The following ULK4 variants were observed in gnomAD, a reference collection of about 807,000 sequenced individuals.
ULK4 encodes unc-51 like kinase 4.
In ULK4, 133 loss-of-function variants were observed where a neutral mutation model predicts 160.6. That is an observed-to-expected ratio of 0.83 (90% CI 0.72 to 0.96). The LOEUF is 0.96. Among genes scored for constraint, ULK4 ranks in the 40% least tolerant of loss-of-function variants. The probability of loss-of-function intolerance (pLI) is 0.00; values close to 1 mark genes in which losing one functional copy is unlikely to be tolerated. For synonymous variants in ULK4, 534 were observed against 539.8 expected (o/e 0.99, Z 0.15); for missense variants, 1,580 against 1,499.5 (o/e 1.05, Z -0.89).
At chr3:41,317,941 C>T (rs1472681979) in intron 35 of ULK4, among the ~76,000 whole-genome samples, 3 of 152,164 alleles carry the variant, frequency 2.0e-5, no homozygotes, top group African/African-American at 7.2e-5. Flanking sequence ...CCTGTTAACT[C>T]ACAAATGCTG....
intron 3 of ULK4, among the ~76,000 whole-genome samples, chr3:41,937,645 T>C (rs944020004): frequency 2.0e-5 from 3 of 152,192 alleles, no homozygotes; most frequent in Admixed American, 2.0e-4. Flanking sequence ...CCTAGAAAGC[T>C]ATATGAAGCA....
intron 27 of ULK4, among the ~76,000 whole-genome samples, chr3:41,687,578 A>G (rs1435157639): frequency 6.6e-6 from 1 of 152,134 alleles, no homozygotes; most frequent in African/African-American, 2.4e-5. Context: ...TCAGTGTCCA[A>G]TGTCAAGAAA....
Position 41,335,353 on chromosome 3 carries a change from C to G in ULK4, c.3678+62726G>C, listed in dbSNP as rs577976586. ...TTTAAAGACTGATGACAGAAATCAG[C>G]AGCAGCTTAGAATCCCTATTTTCAT... is the stretch of plus-strand genomic sequence containing the variant. On this transcript the variant is annotated intron_variant, in intron 35 of 36. Coordinates refer to ENST00000301831, the MANE Select transcript of ULK4 (RefSeq NM_017886.4). Among the ~76,000 whole-genome samples, 6 of 152,266 alleles carry G rather than the reference C, an allele frequency of 3.9e-5. No individual in the cohort carries two copies. The South Asian group carries it at 1.2e-3, about 32-fold the overall frequency.
chr3:41,484,597 C>T (rs888077237), intron 32 of ULK4, among the ~76,000 whole-genome samples: 31 of 152,108 alleles, frequency 2.0e-4, no homozygotes, highest in Non-Finnish European at 3.2e-4. Flanking sequence ...GGACTACAGG[C>T]GCCCGCCACC....
chr3:41,333,097 T>C (rs1341241615), intron 35 of ULK4, among the ~76,000 whole-genome samples: 3 of 152,244 alleles, frequency 2.0e-5, no homozygotes, highest in African/African-American at 4.8e-5. Context: ...GAATCTTTCT[T>C]GAAGGTTCCA....
rs771224022 is a variant in ULK4 at position 41,681,706 on chromosome 3, A to G, written c.2833+47T>C. 3.7e-6 allele frequency: 6 copies of G among 1,613,956 alleles called. No individual in the cohort carries two copies. In the East Asian group the frequency reaches 1.3e-4, roughly 36 times the overall value. Reference sequence around the variant, plus strand: ...GTGACTCCATGGAGACAGAATGAAAATAGAATGTGTAACTGATGCAATTCT... The same window carrying G: ...GTGACTCCATGGAGACAGAATGAAAGTAGAATGTGTAACTGATGCAATTCT... On this transcript the variant is annotated intron_variant, in intron 28 of 36. Coordinates refer to ENST00000301831, the MANE Select transcript of ULK4 (RefSeq NM_017886.4).
intron 30 of ULK4, among the ~76,000 whole-genome samples, chr3:41,644,404 G>T (rs1381497989): frequency 2.0e-5 from 3 of 151,832 alleles, no homozygotes; most frequent in African/African-American, 2.4e-5. Flanking sequence ...TAGCATGAAG[G>T]GTTGTTGAAT....
In ULK4 at chr3:41,681,653, C is replaced by T. The variant is rs757180084; in HGVS notation, c.2834-1G>A. ...CGCAAGCTAAAGAGTCTCCACTCCACTTGAAAGAAAAAAAAAATGCCAAGA... is the reference window on the plus strand; with the variant it reads ...CGCAAGCTAAAGAGTCTCCACTCCATTTGAAAGAAAAAAAAAATGCCAAGA... On this transcript the variant is annotated splice_acceptor_variant, in intron 28 of 36. Transcript: ENST00000301831. LOFTEE classifies it high-confidence loss of function. The T allele has an allele frequency of 1.9e-6, 3 of 1,611,756 alleles. No homozygotes were observed. The highest frequency in any genetic ancestry group is 2.7e-5 in the African/African-American group (2 of 74,512).
Position 41,328,452 on chromosome 3 carries a change from C to A in ULK4, c.3678+69627G>T, listed in dbSNP as rs72864914. ...ACCAGAGGAGTGGAGAGTGTAGAAA[C>A]CAGGATGAGAAAAGAAGCAGTTCAG... On this transcript the variant is annotated intron_variant, in intron 35 of 36. Coordinates refer to ENST00000301831, the MANE Select transcript of ULK4 (RefSeq NM_017886.4). Among the ~76,000 whole-genome samples, 4 of 151,870 alleles carry A rather than the reference C, an allele frequency of 2.6e-5. No individual in the cohort carries two copies. The East Asian group carries it at 7.8e-4, about 30-fold the overall frequency.
intron 27 of ULK4, among the ~76,000 whole-genome samples, chr3:41,686,977 G>C (rs899257744): frequency 6.6e-6 from 1 of 152,104 alleles, no homozygotes; most frequent in Non-Finnish European, 1.5e-5. Context: ...CAGCACTTTG[G>C]GAGTGTGAGG....
chr3:41,276,404 T>C (rs1049717219), intron 35 of ULK4, among the ~76,000 whole-genome samples: 10 of 152,232 alleles, frequency 6.6e-5, no homozygotes, highest in African/African-American at 2.2e-4. Flanking sequence ...AGTTTTGGAC[T>C]CTTCCTTATT....
chr3:41,488,064 A>G (rs929279594), intron 32 of ULK4, among the ~76,000 whole-genome samples: 2 of 152,360 alleles, frequency 1.3e-5, no homozygotes, highest in African/African-American at 2.4e-5. Context: ...ATTGGAAACC[A>G]TTATAAAAGA....
At chr3:41,925,077 A>C (rs1559653839) in intron 5 of ULK4, among the ~76,000 whole-genome samples, 1 of 152,206 alleles carries the variant, frequency 6.6e-6, no homozygotes, top group Non-Finnish European at 1.5e-5. Context: ...ACATACCAAG[A>C]ATACACCCTA....
At chr3:41,664,458 C>A (rs1302220763) in intron 29 of ULK4, among the ~76,000 whole-genome samples, 1 of 152,148 alleles carries the variant, frequency 6.6e-6, no homozygotes, top group Admixed American at 6.6e-5. Flanking sequence ...CAAAATGCAG[C>A]ACGTGTGTGT....
At chr3:41,731,726 A>C (rs1433458750) in intron 22 of ULK4, among the ~76,000 whole-genome samples, 1 of 152,056 alleles carries the variant, frequency 6.6e-6, no homozygotes, top group East Asian at 1.9e-4. Flanking sequence ...TACCAGACTT[A>C]AAAATGCACT....
At chr3:41,936,940 G>A (rs898541481) in intron 3 of ULK4, among the ~76,000 whole-genome samples, 3 of 152,136 alleles carry the variant, frequency 2.0e-5, no homozygotes, top group Non-Finnish European at 4.4e-5. Flanking sequence ...AAGGATAAAC[G>A]CTTGAGGAAA....
chr3:41,262,438 T>C (rs2078963189), intron 35 of ULK4, among the ~76,000 whole-genome samples: 1 of 152,204 alleles, frequency 6.6e-6, no homozygotes, highest in Non-Finnish European at 1.5e-5. Flanking sequence ...GTTTGAATGA[T>C]CAAAGGGCAC....
chr3:41,949,432 ATT>A (rs368229748), intron 2 of ULK4, among the ~76,000 whole-genome samples: 28 of 141,592 alleles, frequency 2.0e-4, no homozygotes, highest in East Asian at 2.1e-4. Flanking sequence ...GATTAGCGGA[ATT>A]TTTTTTTTTT....
intron 5 of ULK4, among the ~76,000 whole-genome samples, chr3:41,926,176 C>G (rs757083030): frequency 1.3e-5 from 2 of 152,226 alleles, no homozygotes; most frequent in Non-Finnish European, 2.9e-5. Context: ...ATGGGCTGTT[C>G]TGCAGCCTCT....
Sources: allele counts gnomAD v4.1 joint callset (sites outside exome capture counted in the v4.1 genomes callset), GRCh38; gene constraint gnomAD v4.1.1; transcripts MANE v1.5; gene names NCBI Gene and HGNC (gene_info 2026-07-23, HGNC 2026-07-21).